TMEM273: variants seen among roughly 807,000 people sequenced by gnomAD.
The protein encoded by TMEM273 is transmembrane protein 273, also known as chromosome 10 open reading frame 128.
A neutral mutation model predicts 17.9 loss-of-function variants in TMEM273; 19 were observed. The observed-to-expected ratio is 1.06, with a 90% CI of 0.74 to 1.55. TMEM273 has a LOEUF of 1.55. Among genes scored for constraint, TMEM273 ranks in the 40% most tolerant of loss-of-function variants. TMEM273 has a pLI of 0.00. For synonymous variants in TMEM273, 66 were observed against 62.0 expected, an observed-to-expected ratio of 1.07 and a Z score of -0.31; for missense variants, 194 against 155.6, an observed-to-expected ratio of 1.25 and a Z score of -1.31.
At chr10:49,184,350 A>T (rs11101006) in intron 1 of TMEM273, among the ~76,000 whole-genome samples, 50,886 of 152,064 alleles carry the variant, frequency 0.33, 8,654 homozygotes, top group South Asian at 0.47. Context: ...CAACAAAGGA[A>T]GCCACAAAGA....
chr10:49,186,852 T>C (rs1207236832), intron 1 of TMEM273, among the ~76,000 whole-genome samples: 1 of 152,184 alleles, frequency 6.6e-6, no homozygotes, highest in African/African-American at 2.4e-5. Context: ...TGGCACCTAT[T>C]GCACAGAGTT....
intron 1 of TMEM273, among the ~76,000 whole-genome samples, chr10:49,178,694 C>T (rs1322861080): frequency 6.6e-6 from 1 of 152,160 alleles, no homozygotes; most frequent in Non-Finnish European, 1.5e-5. Context: ...ACTCCTCCTC[C>T]AGGAAGCCTT....
chr10:49,186,002 A>AGAG (rs1414651609), intron 1 of TMEM273, among the ~76,000 whole-genome samples: 3 of 145,756 alleles, frequency 2.1e-5, no homozygotes, highest in African/African-American at 5.0e-5. Context: ...AGGAGGAGGA[A>AGAG]GAGGAGGAGG....
At chr10:49,160,251 A>G (rs1845760033) in intron 6 of TMEM273, 1 of 152,218 alleles carries the variant, frequency 6.6e-6, no homozygotes, top group African/African-American at 2.4e-5. Context: ...ATTTCTACAA[A>G]TGTAGAAATC....
At position 49,166,595 on chromosome 10, in the gene TMEM273, C is replaced by T. The variant is rs1846199620; in HGVS notation, c.238+274G>A. The T allele has an allele frequency of 8.7e-6, 4 of 457,956 alleles. No individual in the cohort carries two copies. In the East Asian group the frequency reaches 1.7e-4, roughly 19 times the overall value. The allele number at this position is 457,956 out of a possible 1,614,324, so 28.4% of individuals were successfully genotyped here. On this transcript the variant is annotated intron_variant, in intron 3 of 6. Transcript: ENST00000374153. ...CCAAGAGCAACTGAAAGGAAAAGTA[C>T]AGAGGGAAAGAGACACAGAAAGACA...
At chr10:49,171,169 A>G (rs1429488556) in intron 1 of TMEM273, among the ~76,000 whole-genome samples, 1 of 152,236 alleles carries the variant, frequency 6.6e-6, no homozygotes. Context: ...GCTGTGTGAA[A>G]CAGGCACCCT....
chr10:49,161,543 T>C (rs1845841395), intron 6 of TMEM273, 56 bp downstream of exon 6: 2 of 1,611,856 alleles, frequency 1.2e-6, no homozygotes, highest in South Asian at 1.1e-5. Flanking sequence ...TGCAGCCCCA[T>C]GGGGCAGAGA....
intron 1 of TMEM273, among the ~76,000 whole-genome samples, chr10:49,180,561 A>C (rs1847282693): frequency 6.6e-6 from 1 of 152,246 alleles, no homozygotes; most frequent in African/African-American, 2.4e-5. Context: ...GACGTCAATA[A>C]GATTCAGAGT....
In TMEM273 at chr10:49,155,500, AGT is replaced by A. The variant is rs3833733; in HGVS notation, c.*390_*391del. ...AGTGCCTAACTGTTGATAAGATGGC[AGT>A]GTGTAGGAAGCTGTGTGTTGGGTCG... On this transcript the variant is annotated 3_prime_UTR_variant, in exon 7 of 7. Coordinates refer to ENST00000374153, the MANE Select transcript of TMEM273 (RefSeq NM_001288740.3). 0.39 allele frequency: 100,725 copies of A among 257,844 alleles called. 20,509 individuals carry two copies. Among genetic ancestry groups the A allele is most frequent in the South Asian group, 0.48 (7,354 of 15,318 alleles). 16.0% of individuals were successfully genotyped at this position (257,844 alleles called of 1,614,324 possible).
At chr10:49,169,870 G>C (rs1405609739) in intron 1 of TMEM273, among the ~76,000 whole-genome samples, 1 of 152,218 alleles carries the variant, frequency 6.6e-6, no homozygotes, top group African/African-American at 2.4e-5. Flanking sequence ...ACCCTTTCCT[G>C]GGACGGGACC....
intron 1 of TMEM273, among the ~76,000 whole-genome samples, chr10:49,177,929 G>A (rs1847094516): frequency 6.6e-6 from 1 of 152,156 alleles, no homozygotes; most frequent in East Asian, 1.9e-4. Flanking sequence ...TTGCCTCAGG[G>A]AAGTAGCTGT....
rs117578355 is a variant in TMEM273 at position 49,157,790 on chromosome 10, T to G, written c.373-1881A>C. Among the ~76,000 whole-genome samples, 232 of 152,348 alleles carry G rather than the reference T, an allele frequency of 1.5e-3. 2 individuals are homozygous for G. The highest frequency in any genetic ancestry group is 0.015 in the East Asian group (77 of 5,182). On this transcript the variant is annotated intron_variant, in intron 6 of 6. Coordinates refer to ENST00000374153, the MANE Select transcript of TMEM273 (RefSeq NM_001288740.3). The stretch of plus-strand genomic sequence containing the variant: ...CAAAGTCTGGCAGACGCATGTTGTA[T>G]GCACACTTTTTCCACTATTATTTAA...
chr10:49,175,558 T>C (rs939458799), intron 1 of TMEM273, among the ~76,000 whole-genome samples: 1 of 152,368 alleles, frequency 6.6e-6, no homozygotes, highest in Non-Finnish European at 1.5e-5. Context: ...GAGCACTCTT[T>C]GCTAATTAAT....
intron 6 of TMEM273, 23 bp from the exon 7 acceptor site, chr10:49,155,932 G>T: frequency 6.2e-7 from 1 of 1,614,056 alleles, no homozygotes; most frequent in Non-Finnish European, 8.5e-7. Flanking sequence ...AGAACCATCT[G>T]GAAGACTTAT....
In TMEM273 at chr10:49,168,987, C is replaced by T. The variant is rs555818039; in HGVS notation, c.44-1025G>A. Among the ~76,000 whole-genome samples the T allele has an allele frequency of 1.3e-3, 197 of 148,932 alleles. 1 individual carries two copies. Among genetic ancestry groups the T allele is most frequent in the African/African-American group, 4.3e-3 (179 of 41,192 alleles). On this transcript the variant is annotated intron_variant, in intron 1 of 6. Coordinates refer to ENST00000374153, the MANE Select transcript of TMEM273 (RefSeq NM_001288740.3). ...GATAAGTACTGTTATTATTGCCATT[C>T]GCAAAATGAGGAACGGGAGGCATTG...
chr10:49,175,006 G>T (rs1188583058), intron 1 of TMEM273, among the ~76,000 whole-genome samples: 2 of 152,034 alleles, frequency 1.3e-5, no homozygotes, highest in East Asian at 3.9e-4. Flanking sequence ...CCCCCGGAGA[G>T]ATCATTATTT....
At chr10:49,174,509 GA>G (rs1261260869) in intron 1 of TMEM273, among the ~76,000 whole-genome samples, 2 of 152,116 alleles carry the variant, frequency 1.3e-5, no homozygotes, top group African/African-American at 4.8e-5. Context: ...TCAAACCCCG[GA>G]ACCACCTGAG....
At position 49,188,344 on chromosome 10, in the gene TMEM273, C is replaced by G. The variant is rs1847853569; in HGVS notation, c.-8G>C. The G allele has an allele frequency of 1.9e-6, 3 of 1,614,058 alleles. No individual in the cohort carries two copies. The highest frequency in any genetic ancestry group is 3.3e-5 in the Admixed American group (2 of 60,008). ...GCTGACCCCCAAGTTCATGCTGGCG[C>G]TCTGCTCTTGGCTCCTGGCTCCTGG... On this transcript the variant is annotated 5_prime_UTR_variant, in exon 1 of 7. Transcript: ENST00000374153.
At chr10:49,170,784 A>T (rs997664520) in intron 1 of TMEM273, among the ~76,000 whole-genome samples, 1 of 152,054 alleles carries the variant, frequency 6.6e-6, no homozygotes, top group Non-Finnish European at 1.5e-5. Context: ...CTACACACTC[A>T]TGAGCCCTTG....
Sources: gnomAD v4.1 joint callset for allele counts (sites outside exome capture counted in the v4.1 genomes callset) on GRCh38, gnomAD v4.1.1 for gene constraint, MANE v1.5 for transcripts, NCBI Gene and HGNC (gene_info 2026-07-23, HGNC 2026-07-21) for gene names.